LIG1: variants seen among roughly 807,000 people sequenced by gnomAD.
LIG1 encodes DNA ligase 1, also known as ligase I, DNA, ATP-dependent.
LIG1 carries 70 observed loss-of-function variants against 115.7 expected under a neutral mutation model. The ratio of observed to expected loss-of-function variants is 0.60; its 90% CI spans 0.50 to 0.74. The LOEUF is 0.74. Among genes scored for constraint, LIG1 ranks in the 30% least tolerant of loss-of-function variants. The pLI is 0.00. For missense variants in LIG1, 1,115 were observed against 1,225.6 expected, an observed-to-expected ratio of 0.91 and a Z score of 1.35; for synonymous variants, 487 against 495.3, an observed-to-expected ratio of 0.98 and a Z score of 0.22.
At chr19:48,141,208 C>T (rs576036721) in intron 11 of LIG1, among the ~76,000 whole-genome samples, 5 of 152,324 alleles carry the variant, frequency 3.3e-5, no homozygotes, top group East Asian at 1.9e-4. Context: ...GGCACGATCT[C>T]GGCTCGCTGC....
At chr19:48,118,012 G>A (rs1414144178) in intron 25 of LIG1, 1 of 580,794 alleles carries the variant, frequency 1.7e-6, no homozygotes, top group Non-Finnish European at 3.1e-6. Context: ...CCCCCTTGAA[G>A]TAAAAAGTTG....
intron 1 of LIG1, among the ~76,000 whole-genome samples, chr19:48,166,070 T>G (rs1366567929): frequency 6.6e-6 from 1 of 152,184 alleles, no homozygotes; most frequent in Admixed American, 6.5e-5. Flanking sequence ...GGGCAGAATA[T>G]CACAGAGTGT....
intron 26 of LIG1, 71 bp from the exon 27 acceptor site, chr19:48,116,036 ACT>A: frequency 9.1e-7 from 1 of 1,097,550 alleles, no homozygotes; most frequent in Non-Finnish European, 1.4e-6. Flanking sequence ...TCCCTCCTCC[ACT>A]CTGGACTGTT....
chr19:48,169,806 T>G (rs1279585126), intron 1 of LIG1: 1 of 145,482 alleles, frequency 6.9e-6, no homozygotes, highest in East Asian at 2.2e-4. Context: ...ACGCAATCTT[T>G]TCCCCGGCCC....
intron 9 of LIG1, among the ~76,000 whole-genome samples, chr19:48,145,128 G>A (rs3730922): frequency 0.3 from 45,934 of 151,998 alleles, 7,986 homozygotes; most frequent in East Asian, 0.55. Context: ...CTCACTCCTG[G>A]ACTTAAGCGA....
intron 16 of LIG1, 100 bp from the exon 17 acceptor site, chr19:48,134,166 T>A: frequency 1.9e-6 from 2 of 1,072,010 alleles, no homozygotes; most frequent in Non-Finnish European, 2.8e-6. Flanking sequence ...GGCTCCTGGA[T>A]GCCTCTGCCC....
At position 48,141,369 on chromosome 19, in the gene LIG1, T is replaced by C. The variant is rs189226932; in HGVS notation, c.915-1226A>G. Reference sequence around the variant, plus strand: ...CTGGTCTCGAACTCCTGACCTCAAATGATCCGCCCGCCTCGGCCTCCCAAA... The same window carrying C: ...CTGGTCTCGAACTCCTGACCTCAAACGATCCGCCCGCCTCGGCCTCCCAAA... On this transcript the variant is annotated intron_variant, in intron 11 of 27. Transcript: ENST00000263274. Among the ~76,000 whole-genome samples, 1,187 of 152,166 alleles carry C rather than the reference T, an allele frequency of 7.8e-3. 10 individuals are homozygous for C. Among genetic ancestry groups the C allele is most frequent in the Non-Finnish European group, 0.012 (796 of 68,012 alleles).
chr19:48,140,200 C>T (rs1041040451), intron 11 of LIG1, 57 bp from the exon 12 acceptor site: 33 of 719,610 alleles, frequency 4.6e-5, no homozygotes, highest in African/African-American at 4.2e-4. Flanking sequence ...AGTGTGGTGT[C>T]GGGGTGGGGT....
chr19:48,142,808 T>C (rs2034858487), intron 11 of LIG1, among the ~76,000 whole-genome samples: 1 of 152,078 alleles, frequency 6.6e-6, no homozygotes, highest in Non-Finnish European at 1.5e-5. Flanking sequence ...CATGCTGGGC[T>C]AATTTTGTGT....
chr19:48,138,263 C>T (rs896081905), intron 12 of LIG1, among the ~76,000 whole-genome samples: 1 of 152,168 alleles, frequency 6.6e-6, no homozygotes, highest in Admixed American at 6.5e-5. Context: ...CCTATCAGAA[C>T]CAACACACCC....
intron 4 of LIG1, among the ~76,000 whole-genome samples, chr19:48,159,053 C>A (rs1051120179): frequency 2.6e-5 from 4 of 151,980 alleles, no homozygotes; most frequent in African/African-American, 9.7e-5. Flanking sequence ...CCCATTGAGA[C>A]CCTGATGGAG....
intron 1 of LIG1, chr19:48,165,837 G>T: frequency 1.7e-6 from 1 of 591,132 alleles, no homozygotes; most frequent in Non-Finnish European, 3.0e-6. Flanking sequence ...AAGATAAGAG[G>T]CCTCCTTTAC....
At chr19:48,132,834 T>C (rs1182589382) in intron 18 of LIG1, 148 bp downstream of exon 18, 10 of 587,218 alleles carry the variant, frequency 1.7e-5, no homozygotes, top group South Asian at 3.0e-5. Flanking sequence ...ACTCACTGCA[T>C]GGAGGTGGAT....
intron 15 of LIG1, 71 bp downstream of exon 15, chr19:48,135,963 C>T: frequency 8.7e-7 from 1 of 1,152,742 alleles, no homozygotes; most frequent in Non-Finnish European, 1.2e-6. Context: ...CGGGCATGGG[C>T]CTCTGAAGAG....
At chr19:48,157,415 C>T (rs1398423017) in intron 4 of LIG1, among the ~76,000 whole-genome samples, 1 of 152,112 alleles carries the variant, frequency 6.6e-6, no homozygotes, top group African/African-American at 2.4e-5. Context: ...GTAGCTGGGA[C>T]TACAGGCCTG....
At chr19:48,166,324 G>A (rs978692994) in intron 1 of LIG1, among the ~76,000 whole-genome samples, 1 of 152,228 alleles carries the variant, frequency 6.6e-6, no homozygotes, top group African/African-American at 2.4e-5. Context: ...TTGAACCCGG[G>A]AGGTAGAGGC....
chr19:48,126,637 C>A (rs894281575), intron 21 of LIG1, among the ~76,000 whole-genome samples: 18 of 151,366 alleles, frequency 1.2e-4, no homozygotes, highest in Non-Finnish European at 2.1e-4. Context: ...AAGACTCACT[C>A]CATAGAGCTT....
chr19:48,132,790 CAAAAAAAAAA>C (rs71181649), intron 18 of LIG1, among the ~76,000 whole-genome samples, 182 bp downstream of exon 18: 22 of 48,260 alleles, frequency 4.6e-4, no homozygotes, highest in African/African-American at 1.7e-3. Context: ...GACTCTGTCT[CAAAAAAAAAA>C]AAAAAAAAAA....
intron 1 of LIG1, among the ~76,000 whole-genome samples, chr19:48,166,073 CAG>C (rs2036465931): frequency 6.6e-6 from 1 of 152,164 alleles, no homozygotes; most frequent in Non-Finnish European, 1.5e-5. Context: ...CAGAATATCA[CAG>C]AGTGTGTGCT....
Sources: gnomAD v4.1 joint callset for allele counts (sites outside exome capture counted in the v4.1 genomes callset) on GRCh38, gnomAD v4.1.1 for gene constraint, MANE v1.5 for transcripts, NCBI Gene and HGNC (gene_info 2026-07-23, HGNC 2026-07-21) for gene names.